ERC1: variants seen among roughly 807,000 people sequenced by gnomAD.
The protein encoded by ERC1 is ELKS/RAB6-interacting/CAST family member 1.
Under a neutral mutation model 132.0 loss-of-function variants are expected in ERC1, and 56 were observed. The ratio of observed to expected loss-of-function variants is 0.42; its 90% CI spans 0.34 to 0.53. ERC1 has a LOEUF of 0.53. Among genes scored for constraint, ERC1 ranks in the 20% least tolerant of loss-of-function variants. The pLI, the probability that ERC1 is intolerant of heterozygous loss-of-function variation, is 0.03. For synonymous variants in ERC1, 478 were observed against 476.1 expected (o/e 1.00, Z -0.05); for missense variants, 1,202 against 1,349.9 (o/e 0.89, Z 1.72).
At chr12:1,111,389 A>G (rs1945841507) in intron 5 of ERC1, among the ~76,000 whole-genome samples, 2 of 152,140 alleles carry the variant, frequency 1.3e-5, no homozygotes, top group African/African-American at 4.8e-5. Context: ...TTTATTTCCC[A>G]GTTGTATTCT....
intron 18 of ERC1, among the ~76,000 whole-genome samples, chr12:1,465,461 A>C (rs1344705503): frequency 6.6e-6 from 1 of 152,238 alleles, no homozygotes; most frequent in African/African-American, 2.4e-5. Flanking sequence ...GGCACTCAGC[A>C]CACCTGAAGG....
At chr12:998,538 AG>A (rs2154129919) in intron 1 of ERC1, 1 of 152,284 alleles carries the variant, frequency 6.6e-6, no homozygotes, top group African/African-American at 2.4e-5. Flanking sequence ...ATGATATCTC[AG>A]TGCTTCTGTC....
intron 18 of ERC1, among the ~76,000 whole-genome samples, chr12:1,483,423 G>T (rs146822859): frequency 1.6e-3 from 236 of 152,178 alleles, no homozygotes; most frequent in Non-Finnish European, 2.7e-3. Context: ...TCAGAACTTC[G>T]TTCCTTTTTA....
chr12:1,202,768 A>C (rs1429390673), intron 12 of ERC1, among the ~76,000 whole-genome samples: 1 of 152,212 alleles, frequency 6.6e-6, no homozygotes, highest in Non-Finnish European at 1.5e-5. Context: ...GCAGGAATGC[A>C]TTCCATTTTT....
intron 12 of ERC1, among the ~76,000 whole-genome samples, chr12:1,214,912 A>G (rs1958253288): frequency 6.6e-6 from 1 of 152,192 alleles, no homozygotes; most frequent in Admixed American, 6.5e-5. Flanking sequence ...GTGAACCAGC[A>G]TTTAACCTAG....
chr12:1,427,783 A>T (rs963290419), intron 17 of ERC1, among the ~76,000 whole-genome samples: 2 of 152,206 alleles, frequency 1.3e-5, no homozygotes, highest in Non-Finnish European at 2.9e-5. Flanking sequence ...TAAATGTAAT[A>T]ATGTAGTCAG....
chr12:1,304,950 C>T (rs902208998), intron 15 of ERC1, among the ~76,000 whole-genome samples: 18 of 151,754 alleles, frequency 1.2e-4, no homozygotes, highest in East Asian at 5.8e-4. Context: ...CCCCCACGCC[C>T]GGCTAATTTT....
At chr12:1,486,162 T>C (rs2094211813) in intron 18 of ERC1, among the ~76,000 whole-genome samples, 1 of 152,246 alleles carries the variant, frequency 6.6e-6, no homozygotes, top group Non-Finnish European at 1.5e-5. Flanking sequence ...TTAAAATATT[T>C]TCTTGACTCT....
intron 18 of ERC1, among the ~76,000 whole-genome samples, chr12:1,484,156 T>G (rs1235427441): frequency 6.6e-6 from 1 of 151,724 alleles, no homozygotes; most frequent in African/African-American, 2.4e-5. Context: ...ATACAAAAAA[T>G]TAGCCGAGCG....
chr12:1,170,199 C>T (rs1952900027), intron 8 of ERC1, among the ~76,000 whole-genome samples: 1 of 151,992 alleles, frequency 6.6e-6, no homozygotes, highest in South Asian at 2.1e-4. Flanking sequence ...GTTTTTGTAT[C>T]CTTAATTCTC....
chr12:1,437,508 T>C (rs16928432), intron 17 of ERC1, among the ~76,000 whole-genome samples: 34,147 of 152,188 alleles, frequency 0.22, 7,834 homozygotes, highest in African/African-American at 0.59. Context: ...GTCCTTCCCT[T>C]ACTAGTAGGC....
chr12:1,263,014 A>C lies in ERC1; in HGVS notation c.2488-20A>C. 1 of 1,612,964 alleles carries C rather than the reference A, an allele frequency of 6.2e-7. No individual in the cohort carries two copies. Among genetic ancestry groups the C allele is most frequent in the Non-Finnish European group, 8.5e-7 (1 of 1,179,404 alleles). ...GTTAAGTAATTAATCCACTTCACCT[A>C]GTCTTCCATCATTTTCTAGGACAGT... On this transcript the variant is annotated intron_variant, in intron 13 of 18. Coordinates refer to ENST00000360905, the MANE Select transcript of ERC1 (RefSeq NM_178040.4).
chr12:1,379,438 G>C (rs1354114366), intron 16 of ERC1, among the ~76,000 whole-genome samples: 1 of 152,216 alleles, frequency 6.6e-6, no homozygotes, highest in African/African-American at 2.4e-5. Context: ...CTTGAGGTTT[G>C]CACTAGTCTC....
chr12:1,474,726 C>T (rs1219781483), intron 18 of ERC1, among the ~76,000 whole-genome samples: 1 of 152,162 alleles, frequency 6.6e-6, no homozygotes, highest in Non-Finnish European at 1.5e-5. Context: ...GTTATCCTAA[C>T]ACTCAAAGAG....
At chr12:1,331,667 C>T (rs1175104457) in intron 15 of ERC1, among the ~76,000 whole-genome samples, 1 of 152,138 alleles carries the variant, frequency 6.6e-6, no homozygotes, top group Non-Finnish European at 1.5e-5. Flanking sequence ...GATTGCAGTT[C>T]CTGGTGTTAA....
At chr12:1,433,978 CAA>C (rs763612916) in intron 17 of ERC1, among the ~76,000 whole-genome samples, 18 of 46,304 alleles carry the variant, frequency 3.9e-4, no homozygotes, top group East Asian at 7.4e-4. Flanking sequence ...GACCCTGTCT[CAA>C]AAAAAAAAAA....
intron 15 of ERC1, among the ~76,000 whole-genome samples, chr12:1,338,434 A>T (rs977410538): frequency 6.6e-6 from 1 of 152,002 alleles, no homozygotes; most frequent in South Asian, 2.1e-4. Flanking sequence ...GTCAGCTCCT[A>T]TATTGTTGTA....
intron 9 of ERC1, among the ~76,000 whole-genome samples, chr12:1,181,638 A>G (rs1217881339): frequency 6.6e-6 from 1 of 152,052 alleles, no homozygotes; most frequent in East Asian, 1.9e-4. Context: ...GTCTCTACTA[A>G]AAATACAAAA....
intron 12 of ERC1, among the ~76,000 whole-genome samples, chr12:1,231,547 G>A (rs371122560): frequency 9.9e-5 from 15 of 152,152 alleles, no homozygotes; most frequent in African/African-American, 3.4e-4. Context: ...TTTTTATTTA[G>A]TGTCCTTTAG....
Sources: gnomAD v4.1 joint callset for allele counts (sites outside exome capture counted in the v4.1 genomes callset) on GRCh38, gnomAD v4.1.1 for gene constraint, MANE v1.5 for transcripts, NCBI Gene and HGNC (gene_info 2026-07-23, HGNC 2026-07-21) for gene names.